The following PFDN2 variants were observed in gnomAD, a reference collection of about 807,000 sequenced individuals.
PFDN2 encodes prefoldin subunit 2.
PFDN2 carries 7 observed loss-of-function variants against 18.3 expected under a neutral mutation model. The observed-to-expected ratio is 0.38, with a 90% CI of 0.22 to 0.72. The LOEUF (loss-of-function observed/expected upper bound fraction) is 0.72. Among genes scored for constraint, PFDN2 ranks in the 30% least tolerant of loss-of-function variants. The pLI, the probability that PFDN2 is intolerant of heterozygous loss-of-function variation, is 0.47. For missense variants in PFDN2, 181 were observed against 199.1 expected (o/e 0.91, Z 0.55); for synonymous variants, 76 against 75.0 (o/e 1.01, Z -0.07).
rs370773958 is a variant in PFDN2 at position 161,102,390 on chromosome 1, G to A, written c.76-15C>T. 2 of 1,604,908 alleles carry A rather than the reference G, an allele frequency of 1.2e-6. No homozygotes were observed. Among genetic ancestry groups the A allele is most frequent in the Non-Finnish European group, 1.7e-6 (2 of 1,171,792 alleles). ...CCAGCAATCACCTAACAAGGTGAGA[G>A]AAGAGATGAAAGAGGGGATAGTGGA... is the stretch of plus-strand genomic sequence containing the variant. On this transcript the variant is annotated splice_polypyrimidine_tract_variant and intron_variant, in intron 1 of 3. Transcript: ENST00000368010.
rs188136693 is a variant in PFDN2, at chr1:161,101,445, C to T, written c.289-586G>A. Among the ~76,000 whole-genome samples, 355 of 151,870 alleles carry T rather than the reference C, an allele frequency of 2.3e-3. 4 individuals are homozygous for T. Among genetic ancestry groups the T allele is most frequent in the Admixed American group, 3.9e-3 (59 of 15,258 alleles). On this transcript the variant is annotated intron_variant, in intron 3 of 3. Coordinates refer to ENST00000368010, the MANE Select transcript of PFDN2 (RefSeq NM_012394.4). ...TGACCTCCTGACCTCGTGATCCGCCCGCCTCGGCCTCCCAAAGTGCTGGGA... is the reference window on the plus strand; with the variant it reads ...TGACCTCCTGACCTCGTGATCCGCCTGCCTCGGCCTCCCAAAGTGCTGGGA...
At chr1:161,103,784 G>A (rs971208912) in intron 1 of PFDN2, among the ~76,000 whole-genome samples, 6 of 151,102 alleles carry the variant, frequency 4.0e-5, no homozygotes, top group South Asian at 2.1e-4. Flanking sequence ...CAGGCTTCCT[G>A]AGGGATAATG....
chr1:161,111,413 G>A (rs1419445707), intron 1 of PFDN2, among the ~76,000 whole-genome samples: 1 of 152,118 alleles, frequency 6.6e-6, no homozygotes. Flanking sequence ...TGTCACTACT[G>A]ACATGTTAGG....
chr1:161,103,768 T>C (rs1164969409), intron 1 of PFDN2, among the ~76,000 whole-genome samples: 7 of 149,360 alleles, frequency 4.7e-5, no homozygotes, highest in African/African-American at 7.4e-5. Flanking sequence ...TGATACAGAA[T>C]TGATACAGGC....
intron 1 of PFDN2, among the ~76,000 whole-genome samples, chr1:161,108,460 A>AC: frequency 6.6e-6 from 1 of 150,998 alleles, no homozygotes; most frequent in Admixed American, 6.6e-5. Context: ...TCCGTCTCAA[A>AC]AAAAAAAAAA....
chr1:161,104,987 T>C (rs1247563207), intron 1 of PFDN2, among the ~76,000 whole-genome samples: 2 of 152,204 alleles, frequency 1.3e-5, no homozygotes, highest in African/African-American at 2.4e-5. Context: ...TAACCTTCAT[T>C]GCCTGTCTCA....
intron 1 of PFDN2, among the ~76,000 whole-genome samples, chr1:161,115,591 A>G (rs1227828764): frequency 6.6e-6 from 1 of 152,224 alleles, no homozygotes; most frequent in Non-Finnish European, 1.5e-5. Context: ...GCCTAAGGCT[A>G]TATCACAATG....
chr1:161,101,904 T>C (rs1654570699), intron 3 of PFDN2, 144 bp downstream of exon 3: 1 of 762,558 alleles, frequency 1.3e-6, no homozygotes, highest in African/African-American at 1.7e-5. Flanking sequence ...GCTAATCTTT[T>C]GTATTTTTTG....
chr1:161,112,019 G>A (rs889273497), intron 1 of PFDN2, among the ~76,000 whole-genome samples: 7 of 152,144 alleles, frequency 4.6e-5, no homozygotes, highest in African/African-American at 1.7e-4. Flanking sequence ...CAAGTTAGAG[G>A]AAGGAGCTTT....
intron 1 of PFDN2, among the ~76,000 whole-genome samples, chr1:161,103,655 A>C: frequency 7.1e-6 from 1 of 141,328 alleles, no homozygotes; most frequent in South Asian, 2.4e-4. Flanking sequence ...ACCACACTAC[A>C]GCCTGGCAAC....
At chr1:161,117,621 T>C (rs1200298566) in intron 1 of PFDN2, among the ~76,000 whole-genome samples, 1 of 152,166 alleles carries the variant, frequency 6.6e-6, no homozygotes, top group Non-Finnish European at 1.5e-5. Context: ...CGAGCTGTCT[T>C]GCCCAGCCAT....
chr1:161,100,961 C>A, intron 3 of PFDN2, 102 bp from the exon 4 acceptor site: 3 of 811,536 alleles, frequency 3.7e-6, no homozygotes, highest in Non-Finnish European at 6.0e-6. Flanking sequence ...TTAACCTTAC[C>A]TTTAACCAAG....
At chr1:161,105,741 G>A (rs778844392) in intron 1 of PFDN2, among the ~76,000 whole-genome samples, 2 of 152,186 alleles carry the variant, frequency 1.3e-5, no homozygotes, top group Non-Finnish European at 2.9e-5. Context: ...TTACAGGCGT[G>A]AGCCACTGCA....
chr1:161,106,100 G>C (rs1184404303), intron 1 of PFDN2, among the ~76,000 whole-genome samples: 2 of 152,090 alleles, frequency 1.3e-5, no homozygotes. Context: ...TTATTGGTCT[G>C]AGTTCACACA....
In PFDN2 at chr1:161,100,721, C is replaced by T. The variant is rs1654535803; in HGVS notation, c.427G>A (p.Gly143Arg). The T allele has an allele frequency of 6.2e-7, 1 of 1,614,100 alleles. No homozygotes were observed. Among genetic ancestry groups the T allele is most frequent in the East Asian group, 2.2e-5 (1 of 44,896 alleles). ...ACTCCAGCTGAGCTGGCCTTAGCCC[C>T]AGCCCCTTCTGAGTTTTCCTTGGCT... ...PAAKENSEGA[G>R]AKASSAGVLV... Residue 143 changes from glycine (G) to arginine (R), a missense_variant, in exon 4 of 4, where the codon GGG becomes AGG. By Grantham distance (125) the Gly-to-Arg change is moderately radical. Transcript: ENST00000368010.
Position 161,106,269 on chromosome 1 carries a change from C to T in PFDN2, c.76-3894G>A, listed in dbSNP as rs534808265. On this transcript the variant is annotated intron_variant, in intron 1 of 3. Transcript: ENST00000368010. ...CATGCTTCCTGTACAGCCTACAGAA[C>T]CATGAGCCAATTAAACCACTTTTCT... Among the ~76,000 whole-genome samples, 332 of 152,138 alleles carry T rather than the reference C, an allele frequency of 2.2e-3. 2 individuals carry two copies. Among genetic ancestry groups the T allele is most frequent in the Non-Finnish European group, 4.7e-4 (32 of 68,040 alleles).
chr1:161,108,502 A>T (rs10218622), intron 1 of PFDN2, among the ~76,000 whole-genome samples: 52,641 of 147,576 alleles, frequency 0.36, 9,660 homozygotes, highest in East Asian at 0.43. Context: ...GACATAGAGG[A>T]TGCAGTGAGC....
intron 1 of PFDN2, among the ~76,000 whole-genome samples, chr1:161,117,189 G>T (rs1485556475): frequency 6.6e-6 from 1 of 152,086 alleles, no homozygotes; most frequent in Non-Finnish European, 1.5e-5. Flanking sequence ...AGGCGAGATC[G>T]CGCCACTGCA....
intron 1 of PFDN2, among the ~76,000 whole-genome samples, chr1:161,113,754 C>T (rs1654854154): frequency 6.6e-6 from 1 of 152,186 alleles, no homozygotes; most frequent in Admixed American, 6.6e-5. Context: ...TGCACTCCAG[C>T]CTGGGCAACA....
Sources: gnomAD v4.1 joint callset for allele counts (sites outside exome capture counted in the v4.1 genomes callset) on GRCh38, gnomAD v4.1.1 for gene constraint, MANE v1.5 for transcripts, NCBI Gene and HGNC (gene_info 2026-07-23, HGNC 2026-07-21) for gene names.